The following TMEM131L variants were observed in gnomAD, a reference collection of about 807,000 sequenced individuals.
TMEM131L encodes the protein transmembrane protein 131-like.
In TMEM131L, 54 loss-of-function variants were observed where a neutral mutation model predicts 192.2. The ratio of observed to expected loss-of-function variants is 0.28; its 90% CI spans 0.23 to 0.35. TMEM131L has a LOEUF of 0.35. TMEM131L is among the 10% of genes least tolerant of loss of function. The pLI, the probability that TMEM131L is intolerant of heterozygous loss-of-function variation, is 1.00. For synonymous variants in TMEM131L, 701 were observed against 704.9 expected (o/e 0.99, Z 0.09); for missense variants, 1,888 against 1,972.9 (o/e 0.96, Z 0.82).
intron 2 of TMEM131L, among the ~76,000 whole-genome samples, chr4:153,471,051 A>G (rs1360238943): frequency 1.3e-5 from 2 of 149,824 alleles, no homozygotes; most frequent in Non-Finnish European, 3.0e-5. Context: ...GCAATGATGT[A>G]ATTTCGGCTC....
rs537477106 is a variant in TMEM131L at position 153,541,837 on chromosome 4, C to T, written c.240-8236C>T. On this transcript the variant is annotated intron_variant, in intron 3 of 34. Coordinates refer to ENST00000409959, the MANE Select transcript of TMEM131L (RefSeq NM_001131007.2). ...TCCATGGAAATAGACTGCTGAGAACCCCACCCCATCACTTACCCTGCTACA... is the reference window on the plus strand; with the variant it reads ...TCCATGGAAATAGACTGCTGAGAACTCCACCCCATCACTTACCCTGCTACA... Among the ~76,000 whole-genome samples, 59 of 152,318 alleles carry T rather than the reference C, an allele frequency of 3.9e-4. 1 individual carries two copies. In the South Asian group the frequency reaches 0.012, roughly 30 times the overall value.
Position 153,558,288 on chromosome 4 carries a change from A to G in TMEM131L, c.580A>G (p.Thr194Ala), listed in dbSNP as rs560612739. The G allele has an allele frequency of 8.7e-6, 14 of 1,607,688 alleles. No individual in the cohort carries two copies. The South Asian group carries it at 1.5e-4, about 18-fold the overall frequency. Reference sequence around the variant, plus strand: ...TGGAATTGGCACTCGTAGAATCTCTACAGAAGGGTCTGCAAAGCAGCTACC... The same window carrying G: ...TGGAATTGGCACTCGTAGAATCTCTGCAGAAGGGTCTGCAAAGCAGCTACC... ...VSGIGTRRIS[T>A]EGSAKQLPNA... is the part of the protein sequence containing the mutation. Residue 194 changes from threonine (T) to alanine (A), a missense_variant, in exon 7 of 35, where the codon ACA becomes GCA. Transcript: ENST00000409959.
rs755643331 is a variant in TMEM131L at position 153,604,258 on chromosome 4, A to G, written c.3246A>G (p.Thr1082=). 10 of 1,614,086 alleles carry G rather than the reference A, an allele frequency of 6.2e-6. No individual in the cohort carries two copies. Among genetic ancestry groups the G allele is most frequent in the Non-Finnish European group, 8.5e-6 (10 of 1,179,950 alleles). ...SECSMKEGIQ[T]CMFPKETDIK... Reference sequence around the variant, plus strand: ...GTAGTATGAAGGAGGGAATACAGACATGTATGTTTCCTAAGGAAACTGACA... The same window carrying G: ...GTAGTATGAAGGAGGGAATACAGACGTGTATGTTTCCTAAGGAAACTGACA... The change falls in exon 25 of 35, where the codon ACA becomes ACG. Residue 1082 remains threonine (T), a synonymous_variant. Transcript: ENST00000409959.
intron 20 of TMEM131L, among the ~76,000 whole-genome samples, chr4:153,598,225 C>T (rs552488246): frequency 6.7e-6 from 1 of 148,198 alleles, no homozygotes; most frequent in South Asian, 2.1e-4. Context: ...TGTCTGTGTC[C>T]CCCAGTTTAT....
At chr4:153,536,716 CTAT>C in intron 3 of TMEM131L, among the ~76,000 whole-genome samples, 2 of 146,852 alleles carry the variant, frequency 1.4e-5, no homozygotes. Flanking sequence ...GTCTGTCTAT[CTAT>C]CTCCCTCCCT....
At chr4:153,620,963 T>C in intron 27 of TMEM131L, 83 bp downstream of exon 27, 3 of 1,026,490 alleles carry the variant, frequency 2.9e-6, no homozygotes, top group Non-Finnish European at 4.3e-6. Context: ...TTTAAACTTA[T>C]TTCGGTGATA....
At chr4:153,475,501 G>A (rs1447390565) in intron 3 of TMEM131L, among the ~76,000 whole-genome samples, 2 of 152,142 alleles carry the variant, frequency 1.3e-5, no homozygotes, top group South Asian at 4.1e-4. Context: ...CAACCAGTTG[G>A]GGGGAAAATA....
intron 7 of TMEM131L, among the ~76,000 whole-genome samples, chr4:153,574,188 C>A (rs567773170): frequency 6.6e-6 from 1 of 152,178 alleles, no homozygotes; most frequent in Non-Finnish European, 1.5e-5. Context: ...TATGCAGTAG[C>A]CTCTTTTTTC....
intron 3 of TMEM131L, among the ~76,000 whole-genome samples, chr4:153,511,166 A>G (rs1734329631): frequency 6.6e-6 from 1 of 152,228 alleles, no homozygotes; most frequent in Admixed American, 6.5e-5. Context: ...GTTCTATCAT[A>G]AAGACACATG....
chr4:153,496,067 C>T (rs959549216), intron 3 of TMEM131L, among the ~76,000 whole-genome samples: 3 of 152,164 alleles, frequency 2.0e-5, no homozygotes, highest in Non-Finnish European at 2.9e-5. Context: ...TAGCCCCTCT[C>T]GAGGGCGGCG....
At chr4:153,598,908 G>A (rs1731635430) in intron 21 of TMEM131L, among the ~76,000 whole-genome samples, 176 bp downstream of exon 21, 1 of 152,042 alleles carries the variant, frequency 6.6e-6, no homozygotes, top group Non-Finnish European at 1.5e-5. Flanking sequence ...TGCATATATA[G>A]GCTGGTACCC....
intron 4 of TMEM131L, among the ~76,000 whole-genome samples, chr4:153,552,506 G>A (rs1737702203): frequency 6.6e-6 from 1 of 152,116 alleles, no homozygotes; most frequent in Admixed American, 6.6e-5. Context: ...CCTTGGCATA[G>A]TATTTACACA....
chr4:153,515,736 T>C (rs1261607887), intron 3 of TMEM131L, among the ~76,000 whole-genome samples: 3 of 152,210 alleles, frequency 2.0e-5, no homozygotes, highest in African/African-American at 7.2e-5. Flanking sequence ...GCAATTTTTC[T>C]ACATTCTCAC....
At chr4:153,505,390 G>A (rs7677685) in intron 3 of TMEM131L, among the ~76,000 whole-genome samples, 2,897 of 152,210 alleles carry the variant, frequency 0.019, 98 homozygotes, top group African/African-American at 0.063. Context: ...GCAGGTGTGA[G>A]CCACCTTGCC....
intron 3 of TMEM131L, among the ~76,000 whole-genome samples, chr4:153,480,994 C>T (rs939135370): frequency 7.2e-5 from 11 of 152,306 alleles, no homozygotes; most frequent in South Asian, 2.1e-4. Flanking sequence ...TTCCTGTCAT[C>T]CCTTTGAAGA....
At chr4:153,571,272 C>T (rs934210413) in intron 7 of TMEM131L, among the ~76,000 whole-genome samples, 1 of 152,132 alleles carries the variant, frequency 6.6e-6, no homozygotes, top group African/African-American at 2.4e-5. Flanking sequence ...CCTGGTTCTC[C>T]TTTAATGGTT....
rs1220234642 is a variant in TMEM131L, at chr4:153,623,066, A to G, written c.4028A>G (p.Gln1343Arg). ...DGDKKPMVDA[Q>R]HFLPAGDSVS... ...GATAAGAAGCCCATGGTGGACGCCCAGCACTTCCTGCCGGCCGGTGAGTCC... is the reference window on the plus strand; with the variant it reads ...GATAAGAAGCCCATGGTGGACGCCCGGCACTTCCTGCCGGCCGGTGAGTCC... Residue 1343 changes from glutamine (Q) to arginine (R), a missense_variant, in exon 29 of 35, where the codon CAG (glutamine) becomes CGG (arginine). Coordinates refer to ENST00000409959, the MANE Select transcript of TMEM131L (RefSeq NM_001131007.2). The G allele has an allele frequency of 6.2e-7, 1 of 1,607,690 alleles. No homozygotes were observed.
intron 3 of TMEM131L, among the ~76,000 whole-genome samples, chr4:153,484,113 T>TG (rs1444112405): frequency 1.3e-5 from 2 of 152,226 alleles, no homozygotes; most frequent in African/African-American, 4.8e-5. Flanking sequence ...TGGGGTCTCC[T>TG]GGGAGCTTGT....
chr4:153,480,354 A>AAAAC (rs2149791331), intron 3 of TMEM131L, among the ~76,000 whole-genome samples: 1 of 151,904 alleles, frequency 6.6e-6, no homozygotes, highest in South Asian at 2.1e-4. Flanking sequence ...AAAACAAAAC[A>AAAAC]AAACAAAAAC....
Sources: allele counts gnomAD v4.1 joint callset (sites outside exome capture counted in the v4.1 genomes callset), GRCh38; gene constraint gnomAD v4.1.1; transcripts MANE v1.5; gene names NCBI Gene and HGNC (gene_info 2026-07-23, HGNC 2026-07-21).